PIP5K1B: variants seen among roughly 807,000 people sequenced by gnomAD.
PIP5K1B encodes phosphatidylinositol-4-phosphate 5-kinase type 1 beta.
Under a neutral mutation model 67.0 loss-of-function variants are expected in PIP5K1B, and 42 were observed. That is an observed-to-expected ratio of 0.63 (90% CI 0.49 to 0.81). The LOEUF (loss-of-function observed/expected upper bound fraction) is 0.81. PIP5K1B is among the 30% of genes least tolerant of loss of function. The pLI, the probability that PIP5K1B is intolerant of heterozygous loss-of-function variation, is 0.00. For missense variants in PIP5K1B, 459 were observed against 646.3 expected (o/e 0.71, Z 3.14); for synonymous variants, 214 against 231.4 (o/e 0.92, Z 0.68).
intron 14 of PIP5K1B, among the ~76,000 whole-genome samples, chr9:68,954,342 A>C (rs891280660): frequency 6.6e-6 from 1 of 152,058 alleles, no homozygotes; most frequent in African/African-American, 2.4e-5. Context: ...GTGTCTGCAA[A>C]ATTAGATGAG....
intron 1 of PIP5K1B, among the ~76,000 whole-genome samples, chr9:68,715,273 C>G (rs1216775684): frequency 6.6e-6 from 1 of 152,182 alleles, no homozygotes; most frequent in Non-Finnish European, 1.5e-5. Context: ...GGATCTGCCC[C>G]AGACTCTTCA....
chr9:68,907,648 G>T (rs976313894), intron 8 of PIP5K1B, among the ~76,000 whole-genome samples: 2 of 152,076 alleles, frequency 1.3e-5, no homozygotes, highest in African/African-American at 4.8e-5. Context: ...CAATCCTAGA[G>T]CATGGATCAG....
At chr9:68,883,154 C>A (rs1385281757) in intron 6 of PIP5K1B, among the ~76,000 whole-genome samples, 1 of 152,198 alleles carries the variant, frequency 6.6e-6, no homozygotes, top group Admixed American at 6.5e-5. Flanking sequence ...TTCTAAAACT[C>A]CAAGATGCTA....
chr9:68,773,168 A>C (rs186737970), intron 2 of PIP5K1B, among the ~76,000 whole-genome samples: 1 of 152,194 alleles, frequency 6.6e-6, no homozygotes, highest in Non-Finnish European at 1.5e-5. Flanking sequence ...TATAAATCCA[A>C]CTAGATTTGC....
intron 14 of PIP5K1B, among the ~76,000 whole-genome samples, chr9:68,983,462 T>G (rs1363766440): frequency 1.3e-5 from 2 of 151,438 alleles, no homozygotes; most frequent in Admixed American, 6.6e-5. Context: ...GTGTGTGTGT[T>G]TTTTTTTTCT....
intron 15 of PIP5K1B, among the ~76,000 whole-genome samples, 160 bp downstream of exon 15, chr9:68,991,417 C>T (rs1830360392): frequency 6.6e-6 from 1 of 152,178 alleles, no homozygotes; most frequent in African/African-American, 2.4e-5. Context: ...TTTTCACAAG[C>T]AATGTTTTCC....
intron 8 of PIP5K1B, among the ~76,000 whole-genome samples, chr9:68,897,752 C>T (rs6560420): frequency 0.77 from 116,372 of 152,108 alleles, 44,789 homozygotes; most frequent in South Asian, 0.83. Context: ...TGTTCCCAGA[C>T]GGATTTGTTA....
At chr9:68,975,590 CA>C (rs1829599146) in intron 14 of PIP5K1B, among the ~76,000 whole-genome samples, 1 of 152,180 alleles carries the variant, frequency 6.6e-6, no homozygotes, top group Non-Finnish European at 1.5e-5. Context: ...TTTATACCAC[CA>C]GTATTAGTTT....
At chr9:68,932,452 T>A (rs1230620412) in intron 12 of PIP5K1B, among the ~76,000 whole-genome samples, 1 of 152,120 alleles carries the variant, frequency 6.6e-6, no homozygotes, top group African/African-American at 2.4e-5. Flanking sequence ...ACAAAAAAAA[T>A]TGCGTGTTAA....
intron 8 of PIP5K1B, among the ~76,000 whole-genome samples, chr9:68,907,162 C>T (rs1476793423): frequency 1.3e-5 from 2 of 152,192 alleles, no homozygotes; most frequent in African/African-American, 2.4e-5. Context: ...GTTAAATATT[C>T]TGTTTATTCA....
At chr9:68,780,878 T>C in intron 2 of PIP5K1B, 2 of 1,614,254 alleles carry the variant, frequency 1.2e-6, no homozygotes, top group Non-Finnish European at 8.5e-7. Context: ...CTGGTGTGTG[T>C]GTATCTTCGG....
chr9:68,817,114 A>G (rs568912236), intron 2 of PIP5K1B, among the ~76,000 whole-genome samples: 2 of 152,372 alleles, frequency 1.3e-5, no homozygotes, highest in African/African-American at 4.8e-5. Flanking sequence ...ATGAACTGGA[A>G]TTGTAAATCA....
intron 6 of PIP5K1B, among the ~76,000 whole-genome samples, chr9:68,886,376 G>A (rs1033626731): frequency 6.6e-6 from 1 of 152,124 alleles, no homozygotes; most frequent in Non-Finnish European, 1.5e-5. Flanking sequence ...GCTGGTTTTA[G>A]CATTTTTTGG....
chr9:68,817,568 T>C (rs1833508430), intron 2 of PIP5K1B, among the ~76,000 whole-genome samples: 1 of 151,408 alleles, frequency 6.6e-6, no homozygotes, highest in East Asian at 1.9e-4. Flanking sequence ...GAGATAGATA[T>C]ATAGATTTTT....
intron 15 of PIP5K1B, among the ~76,000 whole-genome samples, chr9:68,996,070 A>G (rs1246258548): frequency 3.3e-5 from 5 of 152,186 alleles, no homozygotes; most frequent in Admixed American, 1.3e-4. Context: ...CTAATCCCCT[A>G]GTGCTTTTAT....
intron 6 of PIP5K1B, among the ~76,000 whole-genome samples, chr9:68,885,910 G>A (rs913292841): frequency 3.3e-5 from 5 of 152,144 alleles, no homozygotes; most frequent in Admixed American, 6.5e-5. Context: ...GGCCAGGTGC[G>A]GTGGCTCACG....
At chr9:68,830,948 C>T (rs777164086) in intron 4 of PIP5K1B, among the ~76,000 whole-genome samples, 2 of 152,260 alleles carry the variant, frequency 1.3e-5, no homozygotes, top group Non-Finnish European at 2.9e-5. Context: ...ACTTTCACCA[C>T]TCACTACCTG....
At chr9:68,923,242 T>C in intron 11 of PIP5K1B, 60 bp from the exon 12 acceptor site, 1 of 931,192 alleles carries the variant, frequency 1.1e-6, no homozygotes, top group East Asian at 2.4e-5. Context: ...TAGATCTCTC[T>C]TCTGACTTGA....
chr9:68,751,499 T>C (rs1256170318), intron 2 of PIP5K1B, among the ~76,000 whole-genome samples: 4 of 152,174 alleles, frequency 2.6e-5, no homozygotes, highest in South Asian at 2.1e-4. Flanking sequence ...AAGATTGAGA[T>C]GAGAGAATAG....
Sources: allele counts gnomAD v4.1 joint callset (sites outside exome capture counted in the v4.1 genomes callset), GRCh38; gene constraint gnomAD v4.1.1; transcripts MANE v1.5; gene names NCBI Gene and HGNC (gene_info 2026-07-23, HGNC 2026-07-21).